Variants in FSTL5 observed in about 807,000 individuals in gnomAD.
The protein encoded by FSTL5 is follistatin-related protein 5.
In FSTL5, 62 loss-of-function variants were observed where a neutral mutation model predicts 89.1. The ratio of observed to expected loss-of-function variants is 0.70; its 90% CI spans 0.57 to 0.86. The LOEUF is 0.86. FSTL5 is among the 40% of genes least tolerant of loss of function. FSTL5 has a pLI of 0.00. For synonymous variants in FSTL5, 383 were observed against 346.2 expected (o/e 1.11, Z -1.18); for missense variants, 1,057 against 1,001.6 (o/e 1.06, Z -0.75).
intron 1 of FSTL5, among the ~76,000 whole-genome samples, chr4:162,126,399 A>C (rs1732082581): frequency 6.6e-6 from 1 of 152,140 alleles, no homozygotes; most frequent in African/African-American, 2.4e-5. Flanking sequence ...GGCATTTAAA[A>C]CATGATGAGA....
chr4:162,111,492 A>G lies in FSTL5; in HGVS notation c.-16-80T>C, dbSNP rs544160378. On this transcript the variant is annotated intron_variant, in intron 1 of 15. Coordinates refer to ENST00000306100, the MANE Select transcript of FSTL5 (RefSeq NM_020116.5). ...CATGTATCATGAAATATTTAATATCACATATAAATCTCCATTAATCTAATC... is the reference window on the plus strand; with the variant it reads ...CATGTATCATGAAATATTTAATATCGCATATAAATCTCCATTAATCTAATC... 7 of 1,122,380 alleles carry G rather than the reference A, an allele frequency of 6.2e-6. No individual in the cohort carries two copies. In the Admixed American group the frequency reaches 1.2e-4, roughly 20 times the overall value. The allele number at this position is 1,122,380 out of a possible 1,614,324, so 69.5% of individuals were successfully genotyped here. A position where few individuals can be genotyped will look rare whatever the true frequency, so the allele number is the denominator to read the frequency against.
chr4:161,716,321 G>T (rs1738979131), intron 6 of FSTL5, among the ~76,000 whole-genome samples: 1 of 152,114 alleles, frequency 6.6e-6, no homozygotes, highest in Admixed American at 6.6e-5. Flanking sequence ...CTTCCAGCCA[G>T]GCGCAGTGGC....
chr4:161,807,095 T>C (rs1729992380), intron 4 of FSTL5, among the ~76,000 whole-genome samples: 1 of 122,734 alleles, frequency 8.1e-6, no homozygotes, highest in Non-Finnish European at 1.7e-5. Context: ...AAAAATTGGG[T>C]CTGGATACAG....
rs1738963614 is a variant in FSTL5 at position 162,067,655 on chromosome 4, T to C, written c.127-33997A>G. On this transcript the variant is annotated intron_variant, in intron 2 of 15. Transcript: ENST00000306100. ...CTTAAAAACCAGCACAAGACAAAGA[T>C]GACCTCTCTTACCACTCCAACATAA... 5.9e-5 allele frequency among the ~76,000 whole-genome samples: 9 copies of C among 152,128 alleles called. No individual in the cohort carries two copies. The South Asian group carries it at 1.7e-3, about 28-fold the overall frequency.
At chr4:161,947,643 G>A (rs1044322509) in intron 3 of FSTL5, among the ~76,000 whole-genome samples, 3 of 152,076 alleles carry the variant, frequency 2.0e-5, no homozygotes, top group African/African-American at 4.8e-5. Flanking sequence ...CAGATAATAT[G>A]AGGGTTAAAT....
chr4:161,764,204 A>G (rs765070696), intron 5 of FSTL5, among the ~76,000 whole-genome samples: 4 of 152,166 alleles, frequency 2.6e-5, no homozygotes. Flanking sequence ...CTAATATTAC[A>G]CATTTTATGT....
intron 8 of FSTL5, among the ~76,000 whole-genome samples, chr4:161,583,506 T>C (rs1210729907): frequency 1.3e-5 from 2 of 152,340 alleles, no homozygotes; most frequent in East Asian, 1.9e-4. Flanking sequence ...TAATAGTTAA[T>C]CCCTCACTGT....
intron 1 of FSTL5, among the ~76,000 whole-genome samples, chr4:162,129,038 T>C (rs557102363): frequency 6.6e-6 from 1 of 152,152 alleles, no homozygotes; most frequent in South Asian, 2.1e-4. Flanking sequence ...GATTCTCCTG[T>C]TCTCCTGCCT....
intron 3 of FSTL5, among the ~76,000 whole-genome samples, chr4:162,025,267 C>G (rs1252738203): frequency 6.6e-6 from 1 of 152,102 alleles, no homozygotes; most frequent in Non-Finnish European, 1.5e-5. Context: ...GAAGTCAACA[C>G]TTCTTGAACT....
intron 14 of FSTL5, among the ~76,000 whole-genome samples, chr4:161,457,802 A>T (rs961129296): frequency 6.6e-6 from 1 of 152,176 alleles, no homozygotes; most frequent in Non-Finnish European, 1.5e-5. Flanking sequence ...CAAAATCTCA[A>T]TTAACAAGCA....
chr4:161,913,700 G>A (rs1020993091), intron 4 of FSTL5, among the ~76,000 whole-genome samples: 8 of 152,168 alleles, frequency 5.3e-5, no homozygotes, highest in African/African-American at 1.9e-4. Context: ...GCGTGACCTG[G>A]ATGTGAGACC....
intron 4 of FSTL5, among the ~76,000 whole-genome samples, chr4:161,870,232 G>A (rs1732219330): frequency 6.6e-6 from 1 of 152,092 alleles, no homozygotes; most frequent in South Asian, 2.1e-4. Context: ...ATGTAGAAAT[G>A]ATAAATAATT....
At chr4:161,463,797 G>A (rs76078474) in intron 13 of FSTL5, among the ~76,000 whole-genome samples, 1 of 152,148 alleles carries the variant, frequency 6.6e-6, no homozygotes. Context: ...ATTACAAAGA[G>A]TCTGTCATCC....
chr4:162,050,420 G>A (rs1738341771), intron 2 of FSTL5, among the ~76,000 whole-genome samples: 1 of 149,974 alleles, frequency 6.7e-6, no homozygotes, highest in Admixed American at 6.6e-5. Flanking sequence ...ATATTCTTAG[G>A]AATAAAAGGA....
rs1738495496 is a variant in FSTL5, at chr4:162,055,101, T to C, written c.127-21443A>G. Reference sequence around the variant, plus strand: ...CTTGGTTATAGAAAAGGGTAAATTTTATTTCTGCTTTTTCATGTCTTAGTG... The same window carrying C: ...CTTGGTTATAGAAAAGGGTAAATTTCATTTCTGCTTTTTCATGTCTTAGTG... On this transcript the variant is annotated intron_variant, in intron 2 of 15. Transcript: ENST00000306100. Among the ~76,000 whole-genome samples the C allele has an allele frequency of 1.3e-5, 2 of 151,874 alleles. 1 individual carries two copies. Among genetic ancestry groups the C allele is most frequent in the African/African-American group, 4.8e-5 (2 of 41,334 alleles).
At chr4:161,656,549 T>C in intron 6 of FSTL5, 55 bp from the exon 7 acceptor site, 1 of 1,170,140 alleles carries the variant, frequency 8.5e-7, no homozygotes, top group Non-Finnish European at 1.1e-6. Flanking sequence ...GTAAGGCTAA[T>C]AGTATAAAAT....
chr4:162,057,728 A>G (rs1159757961), intron 2 of FSTL5, among the ~76,000 whole-genome samples: 2 of 151,934 alleles, frequency 1.3e-5, no homozygotes, highest in African/African-American at 2.4e-5. Context: ...CAGATGGCTT[A>G]AAGTCAGGAG....
At chr4:161,442,147 G>T (rs79374784) in intron 15 of FSTL5, among the ~76,000 whole-genome samples, 10 of 142,840 alleles carry the variant, frequency 7.0e-5, no homozygotes, top group African/African-American at 2.1e-4. Context: ...TCTATAAAAG[G>T]TTTTTTTTTT....
intron 4 of FSTL5, among the ~76,000 whole-genome samples, chr4:161,806,510 G>T (rs1446078867): frequency 1.3e-5 from 2 of 152,006 alleles, no homozygotes; most frequent in Admixed American, 6.6e-5. Context: ...ATTATAAGTA[G>T]AAAAAGGCTA....
Sources: allele counts gnomAD v4.1 joint callset (sites outside exome capture counted in the v4.1 genomes callset), GRCh38; gene constraint gnomAD v4.1.1; transcripts MANE v1.5; gene names NCBI Gene and HGNC (gene_info 2026-07-23, HGNC 2026-07-21).